EGFLAM: variants seen among roughly 807,000 people sequenced by gnomAD.
EGFLAM encodes EGF like, fibronectin type III and laminin G domains, also known as pikachurin.
Under a neutral mutation model 113.1 loss-of-function variants are expected in EGFLAM, and 79 were observed. That is an observed-to-expected ratio of 0.70 (90% CI 0.58 to 0.84). The LOEUF is 0.84. Ranked by LOEUF, EGFLAM falls within the 40% of genes least tolerant of loss-of-function variation. EGFLAM has a pLI of 0.00. For synonymous variants in EGFLAM, 504 were observed against 487.6 expected (o/e 1.03, Z -0.44); for missense variants, 1,265 against 1,291.6 (o/e 0.98, Z 0.32).
At chr5:38,359,717 T>C (rs947578238) in intron 5 of EGFLAM, among the ~76,000 whole-genome samples, 1 of 152,192 alleles carries the variant, frequency 6.6e-6, no homozygotes, top group East Asian at 1.9e-4. Context: ...TTTGGGTACA[T>C]GTGAAAGTTC....
At chr5:38,319,961 A>G (rs1049267574) in intron 1 of EGFLAM, among the ~76,000 whole-genome samples, 17 of 152,252 alleles carry the variant, frequency 1.1e-4, no homozygotes, top group Non-Finnish European at 2.9e-5. Flanking sequence ...CCAATTAGGA[A>G]TTACTGCCAT....
rs1177311471 is a variant in EGFLAM, at chr5:38,427,132, C to G, written c.1934C>G (p.Ser645Ter). The G allele has an allele frequency of 1.2e-6, 2 of 1,614,126 alleles. No homozygotes were observed. The highest frequency in any genetic ancestry group is 2.2e-5 in the East Asian group (1 of 44,884). ...MEFEITFRPDSGDGVLLYSYD... is the reference protein window; with the variant it reads ...MEFEITFRPD ...TTTGAGATCACATTTCGGCCAGACT[C>G]AGGAGATGGTGTCCTCCTGTACAGC... The change falls in exon 14 of 22, where the codon TCA becomes TGA. Residue 645 changes from serine to a stop codon, truncating the protein, a stop_gained. Coordinates refer to ENST00000322350, the MANE Select transcript of EGFLAM (RefSeq NM_152403.4). LOFTEE classifies it high-confidence loss of function.
intron 3 of EGFLAM, among the ~76,000 whole-genome samples, chr5:38,343,399 T>G (rs2162813): frequency 0.52 from 68,770 of 132,038 alleles, 18,176 homozygotes; most frequent in Admixed American, 0.62. Context: ...AGAGTGAAAC[T>G]CCATCTCAAA....
intron 17 of EGFLAM, among the ~76,000 whole-genome samples, chr5:38,443,191 G>A (rs778559054): frequency 8.5e-5 from 13 of 152,152 alleles, no homozygotes; most frequent in South Asian, 4.2e-4. Context: ...ACTTAAACCC[G>A]GGAGGCAGAA....
Position 38,387,864 on chromosome 5 carries a change from C to T in EGFLAM, c.712+17402C>T, listed in dbSNP as rs541467469. On this transcript the variant is annotated intron_variant, in intron 6 of 21. Coordinates refer to ENST00000322350, the MANE Select transcript of EGFLAM (RefSeq NM_152403.4). ...TCTATGAGGTTTTCTTCTAATGTCG[C>T]GAATGGTTATGGGTCAGTGAAGACT... 6.6e-5 allele frequency among the ~76,000 whole-genome samples: 10 copies of T among 152,298 alleles called. No individual in the cohort carries two copies. In the East Asian group the frequency reaches 1.2e-3, roughly 18 times the overall value.
In EGFLAM at chr5:38,427,053, T is replaced by C. The variant is rs1473720037; in HGVS notation, c.1855T>C (p.Tyr619His). 6.2e-7 allele frequency: 1 copy of C among 1,614,104 alleles called. No individual in the cohort carries two copies. The highest frequency in any genetic ancestry group is 1.3e-5 in the African/African-American group (1 of 75,056). Reference sequence around the variant, plus strand: ...TCAGTTCAGAGAGTCTCTGAGATCTTACGCTGCAACTCCCTGGCCACTGGA... The same window carrying C: ...TCAGTTCAGAGAGTCTCTGAGATCTCACGCTGCAACTCCCTGGCCACTGGA... ...IPQFRESLRS[Y>H]AATPWPLEPQ... Residue 619 changes from tyrosine (Y) to histidine (H), a missense_variant, in exon 14 of 22, where the codon TAC becomes CAC. Transcript: ENST00000322350.
At chr5:38,327,120 A>G (rs945204490) in intron 1 of EGFLAM, among the ~76,000 whole-genome samples, 6 of 152,100 alleles carry the variant, frequency 3.9e-5, no homozygotes, top group African/African-American at 2.4e-5. Context: ...TTACGCGGGT[A>G]TATTACCTTT....
In EGFLAM at chr5:38,438,342, C is replaced by T. The variant is rs200259259; in HGVS notation, c.2351C>T (p.Ala784Val). The change falls in exon 17 of 22, where the codon GCG (alanine) becomes GTG (valine). Residue 784 changes from alanine to valine, a missense_variant. Transcript: ENST00000322350. ...DFTSGVNVEN[A>V]AHPCVRAPCA... Reference sequence around the variant, plus strand: ...ACCTCCGGAGTGAATGTGGAGAATGCGGCCCACCCCTGTGTGAGAGCCCCT... The same window carrying T: ...ACCTCCGGAGTGAATGTGGAGAATGTGGCCCACCCCTGTGTGAGAGCCCCT... The T allele has an allele frequency of 1.2e-5, 19 of 1,613,890 alleles. No homozygotes were observed. Among genetic ancestry groups the T allele is most frequent in the East Asian group, 1.1e-4 (5 of 44,878 alleles).
intron 1 of EGFLAM, among the ~76,000 whole-genome samples, chr5:38,271,297 G>A (rs1757758307): frequency 6.6e-6 from 1 of 152,140 alleles, no homozygotes; most frequent in African/African-American, 2.4e-5. Context: ...GAGAATAAAT[G>A]TAAAAGATGC....
At chr5:38,393,856 C>T (rs1740881370) in intron 6 of EGFLAM, among the ~76,000 whole-genome samples, 1 of 152,224 alleles carries the variant, frequency 6.6e-6, no homozygotes, top group African/African-American at 2.4e-5. Context: ...GTGGCGGCCC[C>T]GGCCCTCTCG....
Position 38,337,552 on chromosome 5 carries a change from G to T in EGFLAM, c.130G>T (p.Gly44Cys), listed in dbSNP as rs376594419. ...AGGGCCTCCTCTTGACATCAAGCTG[G>T]GCGCATTGAACTGTACGGCTTTCAG... ...KVGPPLDIKL[G>C]ALNCTAFSIQ... The change falls in exon 2 of 22, where the codon GGC (glycine) becomes TGC (cysteine). Residue 44 changes from glycine (G) to cysteine (C), a missense_variant. Coordinates refer to ENST00000322350, the MANE Select transcript of EGFLAM (RefSeq NM_152403.4). The T allele has an allele frequency of 3.7e-6, 6 of 1,605,560 alleles. No individual in the cohort carries two copies. The highest frequency in any genetic ancestry group is 5.1e-6 in the Non-Finnish European group (6 of 1,175,296).
At chr5:38,426,137 G>GA (rs1412542431) in intron 13 of EGFLAM, among the ~76,000 whole-genome samples, 4 of 151,770 alleles carry the variant, frequency 2.6e-5, no homozygotes, top group African/African-American at 9.7e-5. Flanking sequence ...GGTAGACACA[G>GA]AAACGTTAAC....
chr5:38,336,369 C>G (rs956746727), intron 1 of EGFLAM, among the ~76,000 whole-genome samples: 37 of 152,132 alleles, frequency 2.4e-4, no homozygotes, highest in African/African-American at 8.9e-4. Context: ...GTCAGGAGAT[C>G]GAGACCATCT....
At chr5:38,357,677 C>T (rs1739798858) in intron 5 of EGFLAM, among the ~76,000 whole-genome samples, 1 of 152,100 alleles carries the variant, frequency 6.6e-6, no homozygotes, top group South Asian at 2.1e-4. Context: ...TGGTTTATCC[C>T]CAGAAGTGAT....
chr5:38,284,326 TG>T, intron 1 of EGFLAM, among the ~76,000 whole-genome samples: 1 of 152,352 alleles, frequency 6.6e-6, no homozygotes. Context: ...AACTTTTTTT[TG>T]TAACAGGTCA....
At chr5:38,317,906 G>T (rs1011864687) in intron 1 of EGFLAM, among the ~76,000 whole-genome samples, 2 of 152,142 alleles carry the variant, frequency 1.3e-5, no homozygotes, top group African/African-American at 4.8e-5. Flanking sequence ...CACCAGATGT[G>T]CTGCCTTATG....
At chr5:38,262,630 T>C (rs1321873368) in intron 1 of EGFLAM, among the ~76,000 whole-genome samples, 2 of 152,228 alleles carry the variant, frequency 1.3e-5, no homozygotes, top group African/African-American at 4.8e-5. Context: ...TTAAGATCCA[T>C]CCATGTTTTT....
At position 38,464,054 on chromosome 5, in the gene EGFLAM, C is replaced by T; in HGVS notation, c.*68C>T. On this transcript the variant is annotated 3_prime_UTR_variant, in exon 22 of 22. Coordinates refer to ENST00000322350, the MANE Select transcript of EGFLAM (RefSeq NM_152403.4). The stretch of plus-strand genomic sequence containing the variant: ...GAATCCCAGGGGCCCTCAGACCCTG[C>T]CTGATGCTATATGCAGAGGCCCAGG... 1.9e-6 allele frequency: 3 copies of T among 1,587,484 alleles called. No individual in the cohort carries two copies. The highest frequency in any genetic ancestry group is 1.1e-5 in the South Asian group (1 of 88,858).
At chr5:38,391,349 A>G (rs548209153) in intron 6 of EGFLAM, among the ~76,000 whole-genome samples, 73 of 150,786 alleles carry the variant, frequency 4.8e-4, no homozygotes, top group African/African-American at 1.7e-3. Flanking sequence ...TCCCTACTTT[A>G]ATACCACAGT....
Sources: gnomAD v4.1 joint callset for allele counts (sites outside exome capture counted in the v4.1 genomes callset) on GRCh38, gnomAD v4.1.1 for gene constraint, MANE v1.5 for transcripts, NCBI Gene and HGNC (gene_info 2026-07-23, HGNC 2026-07-21) for gene names.